The following SH3RF3 variants were observed in gnomAD, a reference collection of about 807,000 sequenced individuals.
SH3RF3 encodes E3 ubiquitin-protein ligase SH3RF3.
SH3RF3 carries 29 observed loss-of-function variants against 66.3 expected under a neutral mutation model. That is an observed-to-expected ratio of 0.44 (90% CI 0.33 to 0.60). The LOEUF (loss-of-function observed/expected upper bound fraction) is 0.60. Among genes scored for constraint, SH3RF3 ranks in the 20% least tolerant of loss-of-function variants. The pLI is 0.04. For synonymous variants in SH3RF3, 583 were observed against 532.0 expected (o/e 1.10, Z -1.32); for missense variants, 1,194 against 1,190.9 (o/e 1.00, Z -0.04).
chr2:109,338,604 C>T (rs758736368), intron 1 of SH3RF3, among the ~76,000 whole-genome samples: 1 of 152,208 alleles, frequency 6.6e-6, no homozygotes, highest in Non-Finnish European at 1.5e-5. Context: ...GTTGCCCAGA[C>T]TGGAATGCAG....
chr2:109,427,204 G>A (rs1677049629), intron 5 of SH3RF3, among the ~76,000 whole-genome samples: 1 of 152,106 alleles, frequency 6.6e-6, no homozygotes, highest in Admixed American at 6.6e-5. Flanking sequence ...CCTGACCTCA[G>A]GTGATCCACC....
intron 7 of SH3RF3, among the ~76,000 whole-genome samples, chr2:109,446,065 G>T (rs1677695731): frequency 6.6e-6 from 1 of 152,104 alleles, no homozygotes; most frequent in Admixed American, 6.5e-5. Context: ...GAAGATGTGG[G>T]CTACTTTGGC....
chr2:109,346,199 G>A (rs973174129), intron 1 of SH3RF3, among the ~76,000 whole-genome samples: 2 of 151,716 alleles, frequency 1.3e-5, no homozygotes, highest in Non-Finnish European at 1.5e-5. Context: ...TTTTCTCTTC[G>A]AGTTCTGCAA....
intron 1 of SH3RF3, among the ~76,000 whole-genome samples, chr2:109,142,282 G>A (rs1489426662): frequency 1.3e-5 from 2 of 152,154 alleles, no homozygotes; most frequent in African/African-American, 4.8e-5. Flanking sequence ...TTCCATTGGT[G>A]TTCTCAGGAA....
chr2:109,204,176 C>G (rs918769726), intron 1 of SH3RF3, among the ~76,000 whole-genome samples: 3 of 152,236 alleles, frequency 2.0e-5, no homozygotes, highest in Non-Finnish European at 4.4e-5. Flanking sequence ...GCCATTAACT[C>G]TGCCACATCT....
chr2:109,177,409 T>C (rs1677945809), intron 1 of SH3RF3, among the ~76,000 whole-genome samples: 1 of 152,192 alleles, frequency 6.6e-6, no homozygotes, highest in African/African-American at 2.4e-5. Flanking sequence ...CATGAAATAG[T>C]CTGGGGCAGA....
intron 3 of SH3RF3, among the ~76,000 whole-genome samples, chr2:109,374,681 G>A (rs1683342898): frequency 6.6e-6 from 1 of 152,208 alleles, no homozygotes; most frequent in Non-Finnish European, 1.5e-5. Context: ...CACACTAAGA[G>A]GATATCTTCT....
intron 1 of SH3RF3, among the ~76,000 whole-genome samples, chr2:109,231,533 A>C (rs1249723863): frequency 6.6e-6 from 1 of 152,212 alleles, no homozygotes; most frequent in East Asian, 1.9e-4. Context: ...CTCTGTTCAT[A>C]GATTTTTCCA....
At chr2:109,134,009 A>G (rs1214747332) in intron 1 of SH3RF3, among the ~76,000 whole-genome samples, 1 of 152,190 alleles carries the variant, frequency 6.6e-6, no homozygotes, top group Non-Finnish European at 1.5e-5. Context: ...TGTCTATGGT[A>G]TCTGGAAGCT....
intron 8 of SH3RF3, among the ~76,000 whole-genome samples, chr2:109,489,624 C>T (rs1461114262): frequency 6.6e-6 from 1 of 152,192 alleles, no homozygotes; most frequent in Admixed American, 6.5e-5. Flanking sequence ...TCAGCAGCAT[C>T]CTTCTCTGAG....
intron 3 of SH3RF3, among the ~76,000 whole-genome samples, chr2:109,376,838 A>G (rs1170352224): frequency 6.6e-6 from 1 of 152,250 alleles, no homozygotes; most frequent in East Asian, 1.9e-4. Flanking sequence ...CATCTCTGAC[A>G]GTAAAGGGCG....
intron 2 of SH3RF3, among the ~76,000 whole-genome samples, chr2:109,361,650 A>AG (rs570278681): frequency 3.7e-4 from 57 of 152,046 alleles, no homozygotes; most frequent in Admixed American, 1.3e-3. Context: ...ATTTTTTTGT[A>AG]TTTTTAGTAG....
intron 1 of SH3RF3, among the ~76,000 whole-genome samples, chr2:109,307,676 T>C (rs1233298709): frequency 2.7e-5 from 4 of 146,714 alleles, no homozygotes; most frequent in African/African-American, 1.0e-4. Context: ...ATGTGGTGTT[T>C]GGTTTTTTGC....
intron 4 of SH3RF3, among the ~76,000 whole-genome samples, chr2:109,408,654 C>G (rs1387544184): frequency 6.6e-6 from 1 of 152,238 alleles, no homozygotes; most frequent in Non-Finnish European, 1.5e-5. Context: ...CTGGCACTCT[C>G]AGACAGAAGG....
chr2:109,327,486 A>G (rs1392861962), intron 1 of SH3RF3, among the ~76,000 whole-genome samples: 5 of 148,606 alleles, frequency 3.4e-5, no homozygotes, highest in Non-Finnish European at 5.9e-5. Flanking sequence ...TTTTAAATCA[A>G]TTTGTCAAGT....
At chr2:109,394,173 C>T (rs1676080249) in intron 3 of SH3RF3, among the ~76,000 whole-genome samples, 1 of 152,216 alleles carries the variant, frequency 6.6e-6, no homozygotes, top group Admixed American at 6.5e-5. Flanking sequence ...CCTTTCTAGA[C>T]AGTTCTGTGG....
chr2:109,175,946 TC>T (rs1677903706), intron 1 of SH3RF3, among the ~76,000 whole-genome samples: 1 of 152,244 alleles, frequency 6.6e-6, no homozygotes, highest in African/African-American at 2.4e-5. Flanking sequence ...ACTTTATTTT[TC>T]TGGATCACTT....
At chr2:109,447,184 A>AC (rs1677734157) in intron 7 of SH3RF3, among the ~76,000 whole-genome samples, 1 of 151,590 alleles carries the variant, frequency 6.6e-6, no homozygotes, top group Admixed American at 6.6e-5. Context: ...GAAAAAGAAA[A>AC]AGAAAACAGA....
Position 109,398,926 on chromosome 2 carries a change from T to G in SH3RF3, c.1282T>G (p.Cys428Gly). 1 of 1,612,230 alleles carries G rather than the reference T, an allele frequency of 6.2e-7. No homozygotes were observed. The highest frequency in any genetic ancestry group is 2.2e-5 in the East Asian group (1 of 44,864). The change falls in exon 4 of 10, where the codon TGC (cysteine) becomes GGC (glycine). Residue 428 changes from cysteine (C) to glycine (G), a missense_variant. Physicochemically the swap from Cys to Gly is radical, Grantham distance 159. Coordinates refer to ENST00000309415, the MANE Select transcript of SH3RF3 (RefSeq NM_001099289.3). The part of the protein sequence containing the change: ...ARIGDLAHLS[C>G]AAPTQDVSSS... ...GATTGGAGACCTTGCTCATCTGTCGTGCGCTGCTCCCACCCAGGTAACATC... is the reference window on the plus strand; with the variant it reads ...GATTGGAGACCTTGCTCATCTGTCGGGCGCTGCTCCCACCCAGGTAACATC...
Sources: gnomAD v4.1 joint callset for allele counts (sites outside exome capture counted in the v4.1 genomes callset) on GRCh38, gnomAD v4.1.1 for gene constraint, MANE v1.5 for transcripts, NCBI Gene and HGNC (gene_info 2026-07-23, HGNC 2026-07-21) for gene names.